Variants in LINGO1 observed in about 807,000 individuals in gnomAD.
The protein encoded by LINGO1 is leucine rich repeat and Ig domain containing 1.
Under a neutral mutation model 37.3 loss-of-function variants are expected in LINGO1, and 11 were observed. That is an observed-to-expected ratio of 0.29 (90% CI 0.19 to 0.49). The LOEUF (loss-of-function observed/expected upper bound fraction) is 0.49. LINGO1 is among the 20% of genes least tolerant of loss of function. The pLI is 0.99. For missense variants in LINGO1, 585 were observed against 878.2 expected (o/e 0.67, Z 4.22); for synonymous variants, 387 against 403.0 (o/e 0.96, Z 0.48).
At chr15:77,691,243 G>C (rs2075598162) in intron 1 of LINGO1, among the ~76,000 whole-genome samples, 1 of 152,238 alleles carries the variant, frequency 6.6e-6, no homozygotes, top group African/African-American at 2.4e-5. Context: ...CAACACAGCT[G>C]TGGATCAACC....
intron 1 of LINGO1, among the ~76,000 whole-genome samples, chr15:77,800,229 G>A (rs1183121862): frequency 6.6e-6 from 1 of 152,192 alleles, no homozygotes; most frequent in Non-Finnish European, 1.5e-5. Flanking sequence ...GCAGGTGGAG[G>A]GCAAGGGGGG....
At chr15:77,655,348 G>T (rs2074844043) in intron 3 of LINGO1, among the ~76,000 whole-genome samples, 3 of 152,076 alleles carry the variant, frequency 2.0e-5, no homozygotes, top group Admixed American at 1.3e-4. Context: ...GCTCCCAACT[G>T]CCTACTTAAC....
chr15:77,809,268 G>A (rs373411940), intron 1 of LINGO1, among the ~76,000 whole-genome samples: 21 of 152,320 alleles, frequency 1.4e-4, no homozygotes, highest in African/African-American at 4.6e-4. Context: ...ACAAAGGCAA[G>A]CACCAAAACC....
In LINGO1 at chr15:77,629,665, C is replaced by T. The variant is rs1426075077; in HGVS notation, c.6+2645G>A. Among the ~76,000 whole-genome samples the T allele has an allele frequency of 2.6e-5, 4 of 152,230 alleles. No homozygotes were observed. In the East Asian group the frequency reaches 7.7e-4, roughly 29 times the overall value. Reference sequence around the variant, plus strand: ...GATAGTCCTTGCCGCTAGCCAATAGCTACTCCCTTGTACCTCCAAGGGTCT... The same window carrying T: ...GATAGTCCTTGCCGCTAGCCAATAGTTACTCCCTTGTACCTCCAAGGGTCT... On this transcript the variant is annotated intron_variant, in intron 1 of 1. Transcript: ENST00000355300.
chr15:77,698,378 C>T (rs938336487), upstream of LINGO1, among the ~76,000 whole-genome samples: 4 of 152,222 alleles, frequency 2.6e-5, no homozygotes, highest in African/African-American at 4.8e-5. Context: ...GTGCCTACTA[C>T]GTTCCAGGCA....
chr15:77,690,415 T>C (rs1030796175), intron 2 of LINGO1, among the ~76,000 whole-genome samples: 3 of 152,186 alleles, frequency 2.0e-5, no homozygotes, highest in African/African-American at 4.8e-5. Context: ...CCACTAAGCA[T>C]GGAGCCATCA....
intron 3 of LINGO1, among the ~76,000 whole-genome samples, chr15:77,672,029 C>CTCCTCA (rs1227036008): frequency 1.3e-5 from 2 of 151,956 alleles, no homozygotes; most frequent in African/African-American, 4.8e-5. Flanking sequence ...CCTCCTCCTC[C>CTCCTCA]TCCTCCTGAG....
At chr15:77,723,124 C>T (rs1249114434) in intron 2 of LINGO1, among the ~76,000 whole-genome samples, 20 of 152,178 alleles carry the variant, frequency 1.3e-4, no homozygotes, top group Non-Finnish European at 1.5e-5. Flanking sequence ...GTAACAACAT[C>T]CCATCCTCAC....
intron 2 of LINGO1, among the ~76,000 whole-genome samples, chr15:77,685,926 G>A (rs566757440): frequency 2.0e-5 from 3 of 152,300 alleles, no homozygotes; most frequent in Admixed American, 1.3e-4. Flanking sequence ...AATGCAGGAG[G>A]CAGAGCCCCA....
chr15:77,724,199 T>C (rs2076079787), intron 2 of LINGO1, among the ~76,000 whole-genome samples: 1 of 152,114 alleles, frequency 6.6e-6, no homozygotes, highest in Non-Finnish European at 1.5e-5. Context: ...GGTACCCCCA[T>C]CCCAGCACAT....
chr15:77,641,819 C>A (rs1209205961), intron 3 of LINGO1: 1 of 455,350 alleles, frequency 2.2e-6, no homozygotes, highest in Admixed American at 2.4e-5. Flanking sequence ...GCTGGACAAA[C>A]CTGCGACAGA....
chr15:77,637,541 CG>C (rs1446588028), upstream of LINGO1, among the ~76,000 whole-genome samples: 1 of 152,138 alleles, frequency 6.6e-6, no homozygotes, highest in Non-Finnish European at 1.5e-5. This position sits in a 1 kb window ranked among gnomAD's most constrained non-coding sequence, Gnocchi z 4.6. Flanking sequence ...AAGATAATGT[CG>C]GTTTCACGGG....
chr15:77,692,654 C>T (rs551228550), intron 1 of LINGO1, among the ~76,000 whole-genome samples: 49 of 152,322 alleles, frequency 3.2e-4, no homozygotes, highest in African/African-American at 1.1e-3. Flanking sequence ...GCCAATTTCC[C>T]GACCTGGGAC....
At chr15:77,645,476 A>T (rs971165713) in intron 3 of LINGO1, among the ~76,000 whole-genome samples, 8 of 152,226 alleles carry the variant, frequency 5.3e-5, no homozygotes, top group Non-Finnish European at 8.8e-5. Flanking sequence ...CATTTACTTA[A>T]CGTGCTGAAG....
chr15:77,683,773 C>T (rs895232426), intron 2 of LINGO1, among the ~76,000 whole-genome samples: 3 of 151,762 alleles, frequency 2.0e-5, no homozygotes, highest in South Asian at 2.1e-4. Context: ...TCCTACTTTA[C>T]AGGACACACT....
At chr15:77,756,538 C>T (rs1472568069) in intron 1 of LINGO1, among the ~76,000 whole-genome samples, 1 of 150,312 alleles carries the variant, frequency 6.7e-6, no homozygotes, top group Admixed American at 6.6e-5. Flanking sequence ...ACACAAGGTA[C>T]CATAAACATA....
intron 3 of LINGO1, among the ~76,000 whole-genome samples, chr15:77,669,430 G>A (rs888114243): frequency 1.3e-5 from 2 of 152,216 alleles, no homozygotes; most frequent in African/African-American, 4.8e-5. Context: ...AGCCCATCGA[G>A]GTGTTTGTAG....
chr15:77,631,411 C>A (rs1404172303), intron 1 of LINGO1, among the ~76,000 whole-genome samples: 1 of 152,090 alleles, frequency 6.6e-6, no homozygotes, highest in Non-Finnish European at 1.5e-5. Flanking sequence ...GAGGTGCAGG[C>A]ACAGTCAGGC....
rs1596237836 is a variant in LINGO1 at position 77,794,335 on chromosome 15, TATACATACATATATAC to T, written c.-343+1588_-343+1603del. On this transcript the variant is annotated intron_variant, in intron 2 of 5. Transcript: ENST00000562933. ...ATGTGTATATACATACATATATGTA[TATACATACATATATAC>T]GTATATATGTGTATATACATACGTA... is the stretch of plus-strand genomic sequence containing the variant. Among the ~76,000 whole-genome samples, 6 of 129,056 alleles carry T rather than the reference TATACATACATATATAC, an allele frequency of 4.6e-5. 1 individual carries two copies. Among genetic ancestry groups the T allele is most frequent in the Admixed American group, 4.0e-4 (5 of 12,522 alleles). The allele number at this position is 129,056 out of a possible 152,430, so 84.7% of individuals were successfully genotyped here.
Sources: allele counts gnomAD v4.1 joint callset (sites outside exome capture counted in the v4.1 genomes callset), GRCh38; gene constraint gnomAD v4.1.1; non-coding constraint Gnocchi (gnomAD v3.1); transcripts MANE v1.5; gene names NCBI Gene and HGNC (gene_info 2026-07-23, HGNC 2026-07-21).